EIF4E3: variants seen among roughly 807,000 people sequenced by gnomAD.
EIF4E3 encodes eukaryotic translation initiation factor 4E type 3.
In EIF4E3, 26 loss-of-function variants were observed where a neutral mutation model predicts 31.7. That is an observed-to-expected ratio of 0.82 (90% CI 0.60 to 1.14). The LOEUF is 1.14. Among genes scored for constraint, EIF4E3 ranks in the 50% most tolerant of loss-of-function variants. EIF4E3 has a pLI of 0.00. For missense variants in EIF4E3, 304 were observed against 270.9 expected (o/e 1.12, Z -0.86); for synonymous variants, 128 against 107.7 (o/e 1.19, Z -1.17).
Position 71,725,311 on chromosome 3 carries a change from GGACCCC to G in EIF4E3, c.51_56del (p.Gly18_Ser19del). ...GGGCGGCGGCAGCGGCGGCGGCGCGGGACCCCGGCGGCTCCCGGGCCCCGGCGGGGG... is the reference window on the plus strand; with the variant it reads ...GGGCGGCGGCAGCGGCGGCGGCGCGGGGCGGCTCCCGGGCCCCGGCGGGGG... On this transcript the variant is annotated inframe_deletion, in exon 1 of 7. Transcript: ENST00000425534. This position sits in a 1 kb window ranked among gnomAD's most constrained non-coding sequence, Gnocchi z 6.1. 1.0e-6 allele frequency: 1 copy of G among 979,542 alleles called. No homozygotes were observed. Among genetic ancestry groups the G allele is most frequent in the Non-Finnish European group, 1.2e-6 (1 of 825,184 alleles). The allele number at this position is 979,542 out of a possible 1,614,324, so 60.7% of individuals were successfully genotyped here.
At chr3:71,665,368 T>C in the EIF4E3 span, among the ~76,000 whole-genome samples, 2 of 152,234 alleles carry the variant, frequency 1.3e-5, no homozygotes, top group African/African-American at 4.8e-5. Flanking sequence ...TTATAAATGT[T>C]AACACTGACA....
At chr3:71,719,748 G>C (rs1388863596) in intron 1 of EIF4E3, among the ~76,000 whole-genome samples, 2 of 152,032 alleles carry the variant, frequency 1.3e-5, no homozygotes, top group Admixed American at 6.6e-5. Context: ...GGTTTGGACA[G>C]GGCGCCTCTA....
At chr3:71,659,716 G>A in the EIF4E3 span, among the ~76,000 whole-genome samples, 11 of 152,208 alleles carry the variant, frequency 7.2e-5, no homozygotes, top group African/African-American at 2.4e-4. Context: ...TTCTCACACT[G>A]TGGTCACAAC....
intron 3 of EIF4E3, among the ~76,000 whole-genome samples, chr3:71,698,029 C>T (rs2049163966): frequency 6.6e-6 from 1 of 152,168 alleles, no homozygotes; most frequent in Admixed American, 6.5e-5. Flanking sequence ...ACATTTCCAC[C>T]AACAGTGTAC....
intron 1 of EIF4E3, among the ~76,000 whole-genome samples, chr3:71,738,409 TA>T (rs1578387035): frequency 6.6e-6 from 1 of 151,784 alleles, no homozygotes; most frequent in East Asian, 1.9e-4. Flanking sequence ...ATGCTATTTA[TA>T]AAAAACTCAC....
chr3:71,735,040 G>A (rs1403421333), intron 1 of EIF4E3, among the ~76,000 whole-genome samples: 1 of 152,078 alleles, frequency 6.6e-6, no homozygotes, highest in Admixed American at 6.5e-5. Flanking sequence ...TTTTATCAGA[G>A]GAAGAATTCA....
At chr3:71,710,897 G>T (rs951674367) in intron 1 of EIF4E3, among the ~76,000 whole-genome samples, 5 of 152,184 alleles carry the variant, frequency 3.3e-5, no homozygotes, top group African/African-American at 1.2e-4. Context: ...TTGCAAACTT[G>T]TTAGTAACTG....
chr3:71,736,726 G>A (rs932858017), intron 1 of EIF4E3, among the ~76,000 whole-genome samples: 9 of 152,144 alleles, frequency 5.9e-5, no homozygotes, highest in African/African-American at 2.2e-4. Flanking sequence ...CTATAATGGT[G>A]GATACATGTC....
chr3:71,731,455 T>C (rs75871911), intron 1 of EIF4E3, among the ~76,000 whole-genome samples: 1 of 152,276 alleles, frequency 6.6e-6, no homozygotes, highest in East Asian at 1.9e-4. Context: ...CCTCATTATT[T>C]TTTTCAGTGC....
Position 71,679,595 on chromosome 3 carries a change from T to C in EIF4E3, c.*5087A>G, listed in dbSNP as rs1325470921. On this transcript the variant is annotated 3_prime_UTR_variant, in exon 7 of 7. Coordinates refer to ENST00000425534, the MANE Select transcript of EIF4E3 (RefSeq NM_001134651.2). ...TCAAGACACACATATACAATGGAAC[T>C]CTGAATTTCAGTAGCAATGATGAAC... is the stretch of plus-strand genomic sequence containing the variant. 2.0e-5 allele frequency: 3 copies of C among 152,190 alleles called. No individual in the cohort carries two copies. The highest frequency in any genetic ancestry group is 7.2e-5 in the African/African-American group (3 of 41,454). The allele number at this position is 152,190 out of a possible 1,614,324, so 9.4% of individuals were successfully genotyped here.
chr3:71,681,742 A>T lies in EIF4E3; in HGVS notation c.*2940T>A, dbSNP rs2048926309. ...CCAAGGCTCAGTTGGTGGATTGTAT[A>T]TTATGTCTATAGGACCCAATTATAC... On this transcript the variant is annotated 3_prime_UTR_variant, in exon 7 of 7. Transcript: ENST00000425534. 1 of 152,224 alleles carries T rather than the reference A, an allele frequency of 6.6e-6. No individual in the cohort carries two copies. The highest frequency in any genetic ancestry group is 2.4e-5 in the African/African-American group (1 of 41,460). 9.4% of individuals were successfully genotyped at this position (152,224 alleles called of 1,614,324 possible).
the EIF4E3 span, among the ~76,000 whole-genome samples, chr3:71,667,789 G>A: frequency 6.6e-6 from 1 of 152,182 alleles, no homozygotes; most frequent in African/African-American, 2.4e-5. Flanking sequence ...CCCTGCTCAT[G>A]AATAGGAAGA....
At chr3:71,690,279 G>A in intron 5 of EIF4E3, 114 bp from the exon 6 acceptor site, 4 of 1,192,028 alleles carry the variant, frequency 3.4e-6, no homozygotes, top group Non-Finnish European at 4.5e-6. Flanking sequence ...AAAAAAGAAG[G>A]TGGCACAAGA....
At position 71,706,526 on chromosome 3, in the gene EIF4E3, G is replaced by C. The variant is rs56856486; in HGVS notation, c.249+3886C>G. Among the ~76,000 whole-genome samples, 919 of 152,188 alleles carry C rather than the reference G, an allele frequency of 6.0e-3. 9 individuals are homozygous for C. Among genetic ancestry groups the C allele is most frequent in the African/African-American group, 0.021 (881 of 41,502 alleles). ...TAGTGCTAATGGAGTGAGAGTAAAAGGATCAACGTACAGGCCAAAGTGGTT... is the reference window on the plus strand; with the variant it reads ...TAGTGCTAATGGAGTGAGAGTAAAACGATCAACGTACAGGCCAAAGTGGTT... On this transcript the variant is annotated intron_variant, in intron 2 of 6. Transcript: ENST00000425534.
Position 71,725,133 on chromosome 3 carries a change from C to T in EIF4E3, c.176+59G>A. On this transcript the variant is annotated intron_variant, in intron 1 of 6. Coordinates refer to ENST00000425534, the MANE Select transcript of EIF4E3 (RefSeq NM_001134651.2). This position sits in a 1 kb window ranked among gnomAD's most constrained non-coding sequence, Gnocchi z 6.1. ...GGCGAGGGGCCGCGCCGAGACAAAG[C>T]GGCGGTGGCGGCAGGACCCGGGTCG... 2.0e-6 allele frequency: 2 copies of T among 1,022,594 alleles called. No individual in the cohort carries two copies. Among genetic ancestry groups the T allele is most frequent in the Non-Finnish European group, 2.3e-6 (2 of 854,846 alleles). 63.3% of individuals were successfully genotyped at this position (1,022,594 alleles called of 1,614,324 possible). A position where few individuals can be genotyped will look rare whatever the true frequency, so the allele number is the denominator to read the frequency against.
downstream of EIF4E3, among the ~76,000 whole-genome samples, chr3:71,671,942 T>C (rs924811125): frequency 1.3e-5 from 2 of 152,158 alleles, no homozygotes; most frequent in African/African-American, 4.8e-5. Flanking sequence ...GCGATGTCCT[T>C]GGATGCTCCG....
chr3:71,699,311 A>C (rs1313692578), intron 3 of EIF4E3, among the ~76,000 whole-genome samples: 1 of 152,184 alleles, frequency 6.6e-6, no homozygotes, highest in African/African-American at 2.4e-5. Context: ...GCTACTAATC[A>C]AGATGAGGTA....
rs545691616 is a variant in EIF4E3, at chr3:71,677,757, C to A, written c.*6925G>T. Reference sequence around the variant, plus strand: ...TGAATGGAAGAAGAGTTTGTTGGTACGTTTTGTTTGTTTTTAAAGGAATAT... The same window carrying A: ...TGAATGGAAGAAGAGTTTGTTGGTAAGTTTTGTTTGTTTTTAAAGGAATAT... On this transcript the variant is annotated 3_prime_UTR_variant, in exon 7 of 7. Coordinates refer to ENST00000425534, the MANE Select transcript of EIF4E3 (RefSeq NM_001134651.2). 6.6e-6 allele frequency: 1 copy of A among 152,002 alleles called. No individual in the cohort carries two copies. The highest frequency in any genetic ancestry group is 2.4e-5 in the African/African-American group (1 of 41,340). 9.4% of individuals were successfully genotyped at this position (152,002 alleles called of 1,614,324 possible).
chr3:71,754,538 T>A, upstream of EIF4E3: 5 of 1,345,812 alleles, frequency 3.7e-6, no homozygotes, highest in Non-Finnish European at 4.8e-6. This position sits in a 1 kb window ranked among gnomAD's most constrained non-coding sequence, Gnocchi z 5.8. Context: ...TGGACGGCGG[T>A]GGCGACGACG....
Sources: gnomAD v4.1 joint callset for allele counts (sites outside exome capture counted in the v4.1 genomes callset) on GRCh38, gnomAD v4.1.1 for gene constraint, Gnocchi (gnomAD v3.1) non-coding constraint, MANE v1.5 for transcripts, NCBI Gene and HGNC (gene_info 2026-07-23, HGNC 2026-07-21) for gene names.